CDC42BPA: variants seen among roughly 807,000 people sequenced by gnomAD.
CDC42BPA encodes the protein CDC42 binding protein kinase alpha, also known as serine/threonine-protein kinase MRCK alpha.
CDC42BPA carries 80 observed loss-of-function variants against 223.5 expected under a neutral mutation model. The ratio of observed to expected loss-of-function variants is 0.36; its 90% CI spans 0.30 to 0.43. CDC42BPA has a LOEUF of 0.43. CDC42BPA is among the 20% of genes least tolerant of loss of function. CDC42BPA has a pLI of 1.00. For synonymous variants in CDC42BPA, 694 were observed against 718.6 expected, an observed-to-expected ratio of 0.97 and a Z score of 0.55; for missense variants, 1,743 against 2,099.9, an observed-to-expected ratio of 0.83 and a Z score of 3.32.
intron 5 of CDC42BPA, among the ~76,000 whole-genome samples, chr1:227,176,642 T>C (rs1164701613): frequency 6.6e-6 from 1 of 152,274 alleles, no homozygotes; most frequent in South Asian, 2.1e-4. Flanking sequence ...TACCAGTCCT[T>C]ATACTGATAT....
intron 3 of CDC42BPA, among the ~76,000 whole-genome samples, chr1:227,206,163 A>G (rs1031958551): frequency 6.6e-6 from 1 of 152,244 alleles, no homozygotes; most frequent in Non-Finnish European, 1.5e-5. Context: ...TCTGTTAATG[A>G]GCGAAGTCAG....
chr1:227,180,871 T>C (rs1436408901), intron 5 of CDC42BPA, among the ~76,000 whole-genome samples: 1 of 152,130 alleles, frequency 6.6e-6, no homozygotes, highest in Non-Finnish European at 1.5e-5. Flanking sequence ...ATAGCAAGTC[T>C]AGTGCTGAGT....
At chr1:227,146,958 C>G (rs751495598) in intron 7 of CDC42BPA, among the ~76,000 whole-genome samples, 14 of 151,996 alleles carry the variant, frequency 9.2e-5, no homozygotes, top group Non-Finnish European at 1.5e-4. Flanking sequence ...TTCTTTTGAT[C>G]TTTGCTAATT....
chr1:226,995,096 C>A (rs772266485), intron 35 of CDC42BPA, 116 bp from the exon 36 acceptor site: 4 of 866,574 alleles, frequency 4.6e-6, no homozygotes, highest in Non-Finnish European at 7.2e-6. Context: ...CACTCCTCCC[C>A]TGAAGCGCAG....
At chr1:227,086,349 T>A (rs1681889981) in intron 16 of CDC42BPA, among the ~76,000 whole-genome samples, 1 of 152,230 alleles carries the variant, frequency 6.6e-6, no homozygotes. Flanking sequence ...AATAGGAGAA[T>A]TGCCAGGTTG....
At chr1:227,272,563 A>C (rs937124408) in intron 1 of CDC42BPA, among the ~76,000 whole-genome samples, 6 of 152,166 alleles carry the variant, frequency 3.9e-5, no homozygotes, top group Non-Finnish European at 8.8e-5. Context: ...AAAGAACACT[A>C]TAATAGAAAA....
chr1:227,314,487 C>T (rs568195117), intron 1 of CDC42BPA, among the ~76,000 whole-genome samples: 1 of 152,012 alleles, frequency 6.6e-6, no homozygotes, highest in East Asian at 1.9e-4. Flanking sequence ...TGTCAGTTTT[C>T]TTATTGTTTT....
chr1:227,277,327 C>A (rs903766544), intron 1 of CDC42BPA, among the ~76,000 whole-genome samples: 17 of 152,096 alleles, frequency 1.1e-4, no homozygotes, highest in Admixed American at 7.9e-4. Flanking sequence ...GGATTTATCA[C>A]TAAATTTTTC....
At chr1:227,029,937 C>T (rs1668952160) in intron 29 of CDC42BPA, among the ~76,000 whole-genome samples, 1 of 151,558 alleles carries the variant, frequency 6.6e-6, no homozygotes, top group Admixed American at 6.6e-5. Context: ...GAGTTCGAGA[C>T]CAACCTGGCC....
chr1:227,067,135 T>C (rs1677250120), intron 21 of CDC42BPA, among the ~76,000 whole-genome samples: 3 of 152,112 alleles, frequency 2.0e-5, no homozygotes. Context: ...CATGTTGCAT[T>C]AATAGAGGGT....
chr1:227,016,856 T>C (rs17600747), intron 33 of CDC42BPA, 71 bp downstream of exon 33: 293,822 of 1,412,884 alleles, frequency 0.21, 31,800 homozygotes, highest in Non-Finnish European at 0.22. Context: ...CCAAATCAAA[T>C]ATAGTATCAT....
At chr1:227,144,440 T>A (rs2149659746) in intron 8 of CDC42BPA, among the ~76,000 whole-genome samples, 1 of 151,766 alleles carries the variant, frequency 6.6e-6, no homozygotes, top group Admixed American at 6.6e-5. Context: ...CCAGGTGTGG[T>A]GGCGCACGCC....
intron 10 of CDC42BPA, among the ~76,000 whole-genome samples, chr1:227,137,363 T>C (rs545120816): frequency 2.0e-5 from 3 of 152,236 alleles, no homozygotes; most frequent in South Asian, 2.1e-4. Flanking sequence ...ACGCGGACGA[T>C]AAGTTCTGGT....
intron 1 of CDC42BPA, among the ~76,000 whole-genome samples, chr1:227,297,596 A>T (rs1258875711): frequency 1.3e-5 from 2 of 152,222 alleles, no homozygotes; most frequent in Non-Finnish European, 2.9e-5. Flanking sequence ...ATGGAATATT[A>T]TTCAGCCATA....
chr1:227,197,944 A>G (rs922321795), intron 4 of CDC42BPA, among the ~76,000 whole-genome samples: 1 of 152,178 alleles, frequency 6.6e-6, no homozygotes, highest in East Asian at 1.9e-4. Context: ...CAGTTAAAAC[A>G]TCATTCTATT....
intron 34 of CDC42BPA, among the ~76,000 whole-genome samples, chr1:227,008,895 A>C (rs551582553): frequency 2.0e-5 from 3 of 152,308 alleles, no homozygotes; most frequent in African/African-American, 7.2e-5. Flanking sequence ...AAATAAAAAA[A>C]TTAAAATGGA....
At chr1:227,214,425 A>G (rs1025402768) in intron 2 of CDC42BPA, among the ~76,000 whole-genome samples, 2 of 152,196 alleles carry the variant, frequency 1.3e-5, no homozygotes, top group African/African-American at 4.8e-5. Context: ...GAAGTATCTC[A>G]ATTTCAAACA....
At chr1:227,296,709 C>CAAA (rs755335862) in intron 1 of CDC42BPA, among the ~76,000 whole-genome samples, 65 of 69,770 alleles carry the variant, frequency 9.3e-4, no homozygotes, top group South Asian at 1.1e-3. Context: ...CTCCCCACAT[C>CAAA]AAAAAAAAAA....
chr1:227,092,842 G>C (rs1683326949), intron 15 of CDC42BPA, among the ~76,000 whole-genome samples: 1 of 151,772 alleles, frequency 6.6e-6, no homozygotes, highest in Non-Finnish European at 1.5e-5. Flanking sequence ...GATTTTATTA[G>C]TGTTCTTCAG....
Sources: gnomAD v4.1 joint callset for allele counts (sites outside exome capture counted in the v4.1 genomes callset) on GRCh38, gnomAD v4.1.1 for gene constraint, MANE v1.5 for transcripts, NCBI Gene and HGNC (gene_info 2026-07-23, HGNC 2026-07-21) for gene names.